PDE8B: variants seen among roughly 807,000 people sequenced by gnomAD.
PDE8B encodes the protein phosphodiesterase 8B, also known as high affinity cAMP-specific and IBMX-insensitive 3',5'-cyclic phosphodiesterase 8B.
PDE8B carries 26 observed loss-of-function variants against 101.3 expected under a neutral mutation model. That is an observed-to-expected ratio of 0.26 (90% confidence interval 0.19 to 0.36). PDE8B has a LOEUF of 0.36. PDE8B is among the 10% of genes least tolerant of loss of function. PDE8B has a pLI of 1.00. For synonymous variants in PDE8B, 424 were observed against 429.3 expected (o/e 0.99, Z 0.15); for missense variants, 810 against 1,163.1 (o/e 0.70, Z 4.42).
At chr5:77,352,155 G>A (rs928790623) in intron 9 of PDE8B, among the ~76,000 whole-genome samples, 1 of 152,168 alleles carries the variant, frequency 6.6e-6, no homozygotes, top group Non-Finnish European at 1.5e-5. Context: ...GCCCCTGACC[G>A]AGGTTGTGAG....
At position 77,424,629 on chromosome 5, in the gene PDE8B, A is replaced by G. The variant is rs981755382; in HGVS notation, c.2419-1138A>G. Among the ~76,000 whole-genome samples, 5 of 152,232 alleles carry G rather than the reference A, an allele frequency of 3.3e-5. No homozygotes were observed. The South Asian group carries it at 6.2e-4, about 19-fold the overall frequency. On this transcript the variant is annotated intron_variant, in intron 20 of 21. Transcript: ENST00000264917. Reference sequence around the variant, plus strand: ...AGCTGGTTCAGCTCAATTCAAGTGCATAAGTGCTTTCCACAAGACAACCAG... The same window carrying G: ...AGCTGGTTCAGCTCAATTCAAGTGCGTAAGTGCTTTCCACAAGACAACCAG...
intron 1 of PDE8B, among the ~76,000 whole-genome samples, chr5:77,305,818 A>C (rs1391410236): frequency 1.3e-5 from 2 of 152,222 alleles, no homozygotes; most frequent in Non-Finnish European, 2.9e-5. Context: ...AGAGCATTTA[A>C]AAGTGCCTAT....
intron 14 of PDE8B, among the ~76,000 whole-genome samples, chr5:77,409,894 C>T (rs1353762293): frequency 2.0e-5 from 3 of 152,254 alleles, no homozygotes; most frequent in Non-Finnish European, 4.4e-5. Context: ...ACTTGAGGGC[C>T]TTCTTGTTTC....
chr5:77,256,058 T>G (rs1197875244), intron 1 of PDE8B, among the ~76,000 whole-genome samples: 1 of 152,180 alleles, frequency 6.6e-6, no homozygotes. Flanking sequence ...AGATTCGAAT[T>G]TAGGCAGTTG....
the PDE8B span, chr5:77,152,222 G>T: frequency 3.3e-5 from 5 of 152,232 alleles, no homozygotes; most frequent in African/African-American, 4.8e-5. Flanking sequence ...CTGAACCTGA[G>T]TCACTAAGTG....
chr5:77,393,561 C>G (rs1047031791), intron 10 of PDE8B, among the ~76,000 whole-genome samples: 1 of 152,082 alleles, frequency 6.6e-6, no homozygotes, highest in African/African-American at 2.4e-5. Context: ...AATTTATTTG[C>G]TTTAGTTGCA....
chr5:77,328,935 C>T (rs865794141), intron 3 of PDE8B, 63 bp from the exon 4 acceptor site: 2 of 1,238,156 alleles, frequency 1.6e-6, no homozygotes, highest in Non-Finnish European at 2.4e-6. Context: ...GAAGAAGTTC[C>T]ACATTCATTT....
chr5:77,325,496 G>T (rs1775881680), intron 2 of PDE8B, 43 bp from the exon 3 acceptor site: 1 of 1,569,462 alleles, frequency 6.4e-7, no homozygotes. Context: ...TAGTCTCTAT[G>T]GATGATGATT....
At chr5:77,108,664 C>T in the PDE8B span, among the ~76,000 whole-genome samples, 1 of 152,028 alleles carries the variant, frequency 6.6e-6, no homozygotes, top group African/African-American at 2.4e-5. Flanking sequence ...GCCTGGGTGA[C>T]AAAGCGAGAC....
the PDE8B span, among the ~76,000 whole-genome samples, chr5:77,096,648 T>G: frequency 6.6e-6 from 1 of 152,172 alleles, no homozygotes. Flanking sequence ...TCTCAGCACA[T>G]TGGGGATTAT....
At chr5:77,390,229 C>T (rs1006831512) in intron 10 of PDE8B, among the ~76,000 whole-genome samples, 1 of 152,090 alleles carries the variant, frequency 6.6e-6, no homozygotes, top group African/African-American at 2.4e-5. Context: ...TTTTTAGAAC[C>T]AAGCAAAATC....
At chr5:77,208,922 T>C (rs181340418), upstream of PDE8B, among the ~76,000 whole-genome samples, 66 of 152,332 alleles carry the variant, frequency 4.3e-4, no homozygotes, top group African/African-American at 1.5e-3. Flanking sequence ...GAATCCTCCC[T>C]GCAGGGATGC....
At chr5:77,368,469 A>G (rs371295745) in intron 10 of PDE8B, among the ~76,000 whole-genome samples, 3 of 152,156 alleles carry the variant, frequency 2.0e-5, no homozygotes, top group South Asian at 2.1e-4. Context: ...TCAAAGGGCA[A>G]TCTAGAAGTC....
intron 1 of PDE8B, among the ~76,000 whole-genome samples, chr5:77,220,274 C>T (rs1258162146): frequency 1.3e-5 from 2 of 152,176 alleles, no homozygotes; most frequent in Non-Finnish European, 2.9e-5. Context: ...GGCTGACTGA[C>T]TGTGGAGCCT....
intron 10 of PDE8B, among the ~76,000 whole-genome samples, chr5:77,388,849 C>T (rs576531343): frequency 4.1e-4 from 63 of 152,288 alleles, no homozygotes; most frequent in Middle Eastern, 3.4e-3. Flanking sequence ...GTTCGAACTT[C>T]CTGGTGGCTT....
chr5:77,417,703 C>G (rs1052485781), intron 17 of PDE8B, among the ~76,000 whole-genome samples: 1 of 152,184 alleles, frequency 6.6e-6, no homozygotes, highest in African/African-American at 2.4e-5. Flanking sequence ...CCCCTTTAGC[C>G]TTAATTTTCC....
At chr5:77,262,714 A>G (rs1760888865) in intron 1 of PDE8B, among the ~76,000 whole-genome samples, 1 of 152,210 alleles carries the variant, frequency 6.6e-6, no homozygotes, top group South Asian at 2.1e-4. Flanking sequence ...TGCACTTGTA[A>G]TATGCCAGTG....
chr5:77,162,120 T>G, the PDE8B span, among the ~76,000 whole-genome samples: 3 of 152,008 alleles, frequency 2.0e-5, no homozygotes, highest in African/African-American at 4.8e-5. Context: ...GAATCAATTG[T>G]TTTTCTATGT....
At position 77,283,059 on chromosome 5, in the gene PDE8B, T is replaced by A. The variant is rs192337557; in HGVS notation, c.340-28935T>A. On this transcript the variant is annotated intron_variant, in intron 1 of 21. Coordinates refer to ENST00000264917, the MANE Select transcript of PDE8B (RefSeq NM_003719.5). ...ATTCCCTGTAATATACATGTTTTAA[T>A]AATAAAAGTATGGATATATTATTGA... 5.3e-5 allele frequency among the ~76,000 whole-genome samples: 8 copies of A among 152,316 alleles called. 1 individual carries two copies. Among genetic ancestry groups the A allele is most frequent in the Admixed American group, 4.6e-4 (7 of 15,308 alleles).
Sources: allele counts gnomAD v4.1 joint callset (sites outside exome capture counted in the v4.1 genomes callset), GRCh38; gene constraint gnomAD v4.1.1; transcripts MANE v1.5; gene names NCBI Gene and HGNC (gene_info 2026-07-23, HGNC 2026-07-21).